Variants in PHIP observed in about 807,000 individuals in gnomAD.
PHIP encodes the protein PHIP subunit of CUL4-Ring ligase complex.
In PHIP, 54 loss-of-function variants were observed where a neutral mutation model predicts 236.8. That is an observed-to-expected ratio of 0.23 (90% CI 0.18 to 0.29). The LOEUF is 0.29. Among genes scored for constraint, PHIP ranks in the 10% least tolerant of loss-of-function variants. The pLI is 1.00. For missense variants in PHIP, 1,370 were observed against 2,190.8 expected, an observed-to-expected ratio of 0.63 and a Z score of 7.48; for synonymous variants, 756 against 718.9, an observed-to-expected ratio of 1.05 and a Z score of -0.83.
intron 24 of PHIP, among the ~76,000 whole-genome samples, chr6:78,973,045 C>T (rs555892122): frequency 1.3e-5 from 2 of 152,090 alleles, no homozygotes; most frequent in Admixed American, 1.3e-4. Context: ...AGATACTCCT[C>T]GAGAAGAGCA....
rs181165896 is a variant in PHIP at position 79,075,893 on chromosome 6, A to G, written c.189+1555T>C. Reference sequence around the variant, plus strand: ...ATAATCTTTGCGATAATTTTTTCAAATATCAAGGAAGACATGTAAATTCAC... The same window carrying G: ...ATAATCTTTGCGATAATTTTTTCAAGTATCAAGGAAGACATGTAAATTCAC... On this transcript the variant is annotated intron_variant, in intron 4 of 39. Coordinates refer to ENST00000275034, the MANE Select transcript of PHIP (RefSeq NM_017934.7). Among the ~76,000 whole-genome samples, 11 of 152,278 alleles carry G rather than the reference A, an allele frequency of 7.2e-5. No individual in the cohort carries two copies. In the East Asian group the frequency reaches 1.9e-3, roughly 27 times the overall value.
At chr6:79,003,384 A>G (rs1329837829) in intron 16 of PHIP, among the ~76,000 whole-genome samples, 1 of 152,060 alleles carries the variant, frequency 6.6e-6, no homozygotes, top group East Asian at 1.9e-4. Flanking sequence ...TATCTATATT[A>G]AAAAAACATT....
rs764503552 is a variant in PHIP, at chr6:79,015,652, C to G, written c.1367G>C (p.Gly456Ala). Residue 456 changes from glycine to alanine, a missense_variant, in exon 14 of 40, where the codon GGT becomes GCT. Around this residue, in one of 14 missense-constraint regions of PHIP, gnomAD observed 188 missense variants for 354.3 expected, o/e 0.53. Transcript: ENST00000275034. ...MTLKVWNSYT[G>A]QLIHVLMGHE... ...CACCATCAGGACATGAATTAGTTGA[C>G]CAGTGTAAGAATTCCAAACTTTCAG... 8.7e-6 allele frequency: 14 copies of G among 1,604,742 alleles called. No individual in the cohort carries two copies. The highest frequency in any genetic ancestry group is 1.1e-5 in the Non-Finnish European group (13 of 1,174,478).
At position 79,077,428 on chromosome 6, in the gene PHIP, C is replaced by T. The variant is rs1774229180; in HGVS notation, c.189+20G>A. ...CGACTCAGGGAAAAGTTTCTTTGCT[C>T]TGCGACGTGAATGTCTCACCAGATT... On this transcript the variant is annotated intron_variant, in intron 4 of 39. Transcript: ENST00000275034. 6 of 1,588,494 alleles carry T rather than the reference C, an allele frequency of 3.8e-6. No homozygotes were observed. Among genetic ancestry groups the T allele is most frequent in the Middle Eastern group, 1.7e-4 (1 of 5,986 alleles).
At chr6:79,065,764 C>CACACA (rs1773589573) in intron 4 of PHIP, among the ~76,000 whole-genome samples, 2 of 143,470 alleles carry the variant, frequency 1.4e-5, no homozygotes, top group African/African-American at 5.1e-5. Flanking sequence ...CTTAACTATA[C>CACACA]CACACACACA....
At chr6:79,073,289 C>A (rs992454820) in intron 4 of PHIP, among the ~76,000 whole-genome samples, 1 of 152,074 alleles carries the variant, frequency 6.6e-6, no homozygotes, top group African/African-American at 2.4e-5. Flanking sequence ...ATATTCACAC[C>A]TAACATTTTA....
intron 7 of PHIP, among the ~76,000 whole-genome samples, chr6:79,038,611 C>A (rs1415861): frequency 6.6e-6 from 1 of 151,984 alleles, no homozygotes; most frequent in Admixed American, 6.5e-5. Context: ...TCTTTTTTTT[C>A]CCCTAGCCTC....
chr6:79,025,192 CTTAAGA>C (rs766674618), intron 9 of PHIP, among the ~76,000 whole-genome samples: 20 of 152,068 alleles, frequency 1.3e-4, no homozygotes, highest in Non-Finnish European at 2.8e-4. Flanking sequence ...ATTAGAAATT[CTTAAGA>C]TTAAGTTCTG....
intron 6 of PHIP, among the ~76,000 whole-genome samples, chr6:79,054,032 A>G (rs1306769412): frequency 6.6e-6 from 1 of 152,084 alleles, no homozygotes; most frequent in African/African-American, 2.4e-5. Flanking sequence ...ATTAATTTCA[A>G]AAGAAATTTA....
At chr6:78,954,410 A>G (rs1405038018) in intron 35 of PHIP, among the ~76,000 whole-genome samples, 3 of 152,100 alleles carry the variant, frequency 2.0e-5, no homozygotes, top group African/African-American at 7.2e-5. Context: ...CCAGCCTAAA[A>G]ACTATTTTTA....
chr6:79,043,929 C>T lies in PHIP; in HGVS notation c.440-926G>A, dbSNP rs531031142. ...CCCTAAAGAAAACTAAATATATATA[C>T]AAAATACTACTTAGCCAAGGTACAG... On this transcript the variant is annotated intron_variant, in intron 6 of 39. Coordinates refer to ENST00000275034, the MANE Select transcript of PHIP (RefSeq NM_017934.7). 2.2e-3 allele frequency among the ~76,000 whole-genome samples: 330 copies of T among 150,138 alleles called. 2 individuals carry two copies. Among genetic ancestry groups the T allele is most frequent in the African/African-American group, 7.9e-3 (322 of 40,848 alleles).
At chr6:79,038,030 T>C (rs192064291) in intron 7 of PHIP, among the ~76,000 whole-genome samples, 18 of 152,326 alleles carry the variant, frequency 1.2e-4, no homozygotes, top group Admixed American at 5.9e-4. Context: ...CTTTTAATTG[T>C]CAAGTTTTTG....
chr6:78,970,208 A>G (rs1390198762), intron 25 of PHIP, 35 bp from the exon 26 acceptor site: 2 of 1,578,882 alleles, frequency 1.3e-6, no homozygotes, highest in Admixed American at 1.7e-5. Flanking sequence ...AACCATCTTT[A>G]CAAAATAAAC....
intron 6 of PHIP, among the ~76,000 whole-genome samples, chr6:79,053,232 T>C (rs1345871110): frequency 6.6e-6 from 1 of 152,144 alleles, no homozygotes; most frequent in African/African-American, 2.4e-5. Flanking sequence ...GAGAATGGCT[T>C]GAACCTGGGA....
At chr6:79,003,660 CA>C in intron 16 of PHIP, 69 bp downstream of exon 16, 1 of 1,119,646 alleles carries the variant, frequency 8.9e-7, no homozygotes, top group Non-Finnish European at 1.2e-6. Flanking sequence ...TCACCCACTC[CA>C]AAAACATACA....
chr6:78,980,939 T>A (rs150197037), intron 23 of PHIP, among the ~76,000 whole-genome samples: 54 of 152,180 alleles, frequency 3.5e-4, no homozygotes, highest in African/African-American at 1.3e-3. Context: ...CTAACAACTT[T>A]TACATCAAGA....
intron 6 of PHIP, among the ~76,000 whole-genome samples, chr6:79,050,085 T>G (rs1180668670): frequency 2.0e-5 from 3 of 151,390 alleles, no homozygotes; most frequent in East Asian, 3.9e-4. Context: ...TGGTTTAGAG[T>G]TATGAGAGGT....
chr6:79,045,244 G>C (rs970008104), intron 6 of PHIP, among the ~76,000 whole-genome samples: 1 of 152,092 alleles, frequency 6.6e-6, no homozygotes, highest in Non-Finnish European at 1.5e-5. Context: ...GTAATAAGGT[G>C]GTGGTTCAAA....
At chr6:78,978,819 A>G (rs1316074791) in intron 23 of PHIP, 108 bp from the exon 24 acceptor site, 2 of 872,524 alleles carry the variant, frequency 2.3e-6, no homozygotes, top group Non-Finnish European at 3.4e-6. Context: ...GGGGAAGGGC[A>G]CCATTGTACA....
Sources: allele counts gnomAD v4.1 joint callset (sites outside exome capture counted in the v4.1 genomes callset), GRCh38; gene constraint gnomAD v4.1.1; regional missense constraint gnomAD v4.1.1; transcripts MANE v1.5; gene names NCBI Gene and HGNC (gene_info 2026-07-23, HGNC 2026-07-21).